LURAP1L: variants seen among roughly 807,000 people sequenced by gnomAD.
LURAP1L encodes the protein leucine rich adaptor protein 1 like.
LURAP1L carries 12 observed loss-of-function variants against 13.8 expected under a neutral mutation model. The ratio of observed to expected loss-of-function variants is 0.87; its 90% CI spans 0.56 to 1.41. LURAP1L has a LOEUF of 1.41. Among genes scored for constraint, LURAP1L ranks in the 40% most tolerant of loss-of-function variants. The pLI, the probability that LURAP1L is intolerant of heterozygous loss-of-function variation, is 0.00. For missense variants in LURAP1L, 375 were observed against 292.9 expected (o/e 1.28, Z -2.04); for synonymous variants, 139 against 119.2 (o/e 1.17, Z -1.08).
intron 1 of LURAP1L, among the ~76,000 whole-genome samples, chr9:12,809,777 GCTTA>G (rs1475971606): frequency 6.6e-6 from 1 of 152,136 alleles, no homozygotes; most frequent in Non-Finnish European, 1.5e-5. Flanking sequence ...GTTAGATTCT[GCTTA>G]CTATTTGCTG....
intron 1 of LURAP1L, among the ~76,000 whole-genome samples, chr9:12,812,018 T>A (rs1193360644): frequency 1.3e-5 from 2 of 152,150 alleles, no homozygotes; most frequent in Non-Finnish European, 2.9e-5. Context: ...ACTTTATGCA[T>A]CTCACAAGGG....
chr9:12,800,805 G>A (rs1819575396), intron 1 of LURAP1L, among the ~76,000 whole-genome samples: 1 of 152,106 alleles, frequency 6.6e-6, no homozygotes, highest in African/African-American at 2.4e-5. Flanking sequence ...AGAACCATGA[G>A]CTGAACAAAA....
chr9:12,816,211 A>G (rs1303893868), intron 1 of LURAP1L, among the ~76,000 whole-genome samples: 6 of 152,236 alleles, frequency 3.9e-5, no homozygotes, highest in Non-Finnish European at 8.8e-5. Flanking sequence ...GTTATTAAAT[A>G]TCTGAAACGA....
chr9:12,810,610 G>A (rs1443802472), intron 1 of LURAP1L, among the ~76,000 whole-genome samples: 3 of 152,058 alleles, frequency 2.0e-5, no homozygotes, highest in African/African-American at 7.2e-5. Flanking sequence ...TAATATTTAA[G>A]GCATCTAGCT....
At chr9:12,776,655 A>G (rs527868106) in intron 1 of LURAP1L, among the ~76,000 whole-genome samples, 10 of 152,156 alleles carry the variant, frequency 6.6e-5, no homozygotes, top group African/African-American at 2.4e-4. Context: ...GTACTTATGA[A>G]TAGCTTGTTT....
chr9:12,820,506 C>G lies in LURAP1L; in HGVS notation c.313-880C>G, dbSNP rs374519185. Among the ~76,000 whole-genome samples the G allele has an allele frequency of 2.4e-4, 17 of 71,646 alleles. 2 individuals are homozygous for G. The highest frequency in any genetic ancestry group is 8.4e-4 in the East Asian group (2 of 2,382). The allele number at this position is 71,646 out of a possible 152,430, so 47.0% of individuals were successfully genotyped here. On this transcript the variant is annotated intron_variant, in intron 1 of 1. Transcript: ENST00000319264. ...CGACAGATCGAGACTCCGTCCCCCCCCCCCCCCCAAAAAAAAAAAAGGACC... is the reference window on the plus strand; with the variant it reads ...CGACAGATCGAGACTCCGTCCCCCCGCCCCCCCCAAAAAAAAAAAAGGACC...
intron 1 of LURAP1L, among the ~76,000 whole-genome samples, chr9:12,785,905 G>A (rs1373691885): frequency 6.6e-6 from 1 of 152,052 alleles, no homozygotes; most frequent in Non-Finnish European, 1.5e-5. Flanking sequence ...TGTTTCTGTG[G>A]GGGTGACAAT....
Position 12,775,524 on chromosome 9 carries a change from AC to A in LURAP1L, c.-186del, listed in dbSNP as rs1819156811. 5.2e-6 allele frequency: 4 copies of A among 775,082 alleles called. No individual in the cohort carries two copies. The highest frequency in any genetic ancestry group is 5.6e-6 in the Non-Finnish European group (3 of 532,910). The allele number at this position is 775,082 out of a possible 1,614,324, so 48.0% of individuals were successfully genotyped here. ...CAGCGGACTGGGAACTGCAGCTGCG[AC>A]CCCCCGCGTCCTGTGCGGATTTCAG... On this transcript the variant is annotated 5_prime_UTR_variant, in exon 1 of 2. Coordinates refer to ENST00000319264, the MANE Select transcript of LURAP1L (RefSeq NM_203403.2).
chr9:12,820,808 T>A (rs2118557816), intron 1 of LURAP1L, among the ~76,000 whole-genome samples: 1 of 152,240 alleles, frequency 6.6e-6, no homozygotes, highest in Non-Finnish European at 1.5e-5. Flanking sequence ...TACTCTTAAC[T>A]CTTTTCTATA....
At chr9:12,811,574 A>T (rs533044149) in intron 1 of LURAP1L, among the ~76,000 whole-genome samples, 1 of 152,112 alleles carries the variant, frequency 6.6e-6, no homozygotes, top group Non-Finnish European at 1.5e-5. Flanking sequence ...TACTTACTCT[A>T]TTTGTTCCTT....
intron 1 of LURAP1L, among the ~76,000 whole-genome samples, chr9:12,803,205 G>A (rs1819610525): frequency 6.6e-6 from 1 of 152,118 alleles, no homozygotes; most frequent in Non-Finnish European, 1.5e-5. Context: ...ATATTTCATT[G>A]TCACTAATGT....
At chr9:12,776,123 CT>C in intron 1 of LURAP1L, 96 bp downstream of exon 1, 1 of 1,285,774 alleles carries the variant, frequency 7.8e-7, no homozygotes. Flanking sequence ...ACGGCAGGGG[CT>C]GCAGAGCGGA....
At chr9:12,801,381 A>G (rs563995266) in intron 1 of LURAP1L, among the ~76,000 whole-genome samples, 1 of 152,034 alleles carries the variant, frequency 6.6e-6, no homozygotes, top group South Asian at 2.1e-4. Context: ...GGAATTAGAG[A>G]AGTACATCTT....
chr9:12,788,768 C>A, intron 1 of LURAP1L, among the ~76,000 whole-genome samples: 1 of 150,512 alleles, frequency 6.6e-6, no homozygotes, highest in African/African-American at 2.4e-5. Context: ...AGGTTACTTT[C>A]TTTTTCTTAA....
chr9:12,810,709 A>C (rs1487617283), intron 1 of LURAP1L, among the ~76,000 whole-genome samples: 2 of 152,218 alleles, frequency 1.3e-5, no homozygotes, highest in South Asian at 2.1e-4. Flanking sequence ...AGAATGAATA[A>C]ATCACTAGAT....
intron 1 of LURAP1L, among the ~76,000 whole-genome samples, chr9:12,819,652 C>T (rs1440044096): frequency 2.0e-5 from 3 of 152,096 alleles, no homozygotes; most frequent in South Asian, 2.1e-4. Context: ...GGACAGAAAT[C>T]GGTTTTTAAA....
chr9:12,816,353 C>T (rs1041755829), intron 1 of LURAP1L, among the ~76,000 whole-genome samples: 5 of 152,084 alleles, frequency 3.3e-5, no homozygotes, highest in Admixed American at 2.0e-4. Flanking sequence ...CACTGCAGCT[C>T]GGAATGAAAT....
chr9:12,780,743 T>C (rs1234051941), intron 1 of LURAP1L, among the ~76,000 whole-genome samples: 1 of 60,540 alleles, frequency 1.7e-5, no homozygotes, highest in Non-Finnish European at 5.9e-5. Context: ...TTGTTTCTTT[T>C]TTTTAAAAAA....
chr9:12,809,068 G>C (rs771914921), intron 1 of LURAP1L, among the ~76,000 whole-genome samples: 7 of 152,080 alleles, frequency 4.6e-5, no homozygotes, highest in Non-Finnish European at 1.0e-4. Flanking sequence ...AAAGTGACGA[G>C]ATACCACATT....
Sources: allele counts gnomAD v4.1 joint callset (sites outside exome capture counted in the v4.1 genomes callset), GRCh38; gene constraint gnomAD v4.1.1; transcripts MANE v1.5; gene names NCBI Gene and HGNC (gene_info 2026-07-23, HGNC 2026-07-21).